The following EYS variants were observed in gnomAD, a reference collection of about 807,000 sequenced individuals.
EYS encodes the protein EGF-like photoreceptor maintenance factor.
A neutral mutation model predicts 282.1 loss-of-function variants in EYS; 250 were observed. That is an observed-to-expected ratio of 0.89 (90% confidence interval 0.80 to 0.98). The LOEUF (loss-of-function observed/expected upper bound fraction) is 0.98. EYS is among the 50% of genes least tolerant of loss of function. EYS has a pLI of 0.00. For missense variants in EYS, 4,016 were observed against 3,709.0 expected, an observed-to-expected ratio of 1.08 and a Z score of -2.15; for synonymous variants, 1,355 against 1,282.9, an observed-to-expected ratio of 1.06 and a Z score of -1.20.
chr6:64,899,067 G>A (rs976198478), intron 18 of EYS, among the ~76,000 whole-genome samples: 3 of 152,106 alleles, frequency 2.0e-5, no homozygotes, highest in South Asian at 2.1e-4. Flanking sequence ...AAATTAACAA[G>A]GACATTCAGG....
At chr6:64,933,910 C>T (rs1562264925) in intron 15 of EYS, among the ~76,000 whole-genome samples, 1 of 152,014 alleles carries the variant, frequency 6.6e-6, no homozygotes, top group Non-Finnish European at 1.5e-5. Context: ...CATGTTCTCA[C>T]TCGTAAGTGG....
chr6:65,439,831 T>G (rs1183431946), intron 5 of EYS, among the ~76,000 whole-genome samples: 3 of 152,068 alleles, frequency 2.0e-5, no homozygotes, highest in Non-Finnish European at 4.4e-5. Context: ...TCAACAAACA[T>G]TCATAGACAT....
chr6:64,488,363 T>TTC (rs1435433904), intron 26 of EYS, among the ~76,000 whole-genome samples: 1 of 150,982 alleles, frequency 6.6e-6, no homozygotes, highest in Non-Finnish European at 1.5e-5. Flanking sequence ...CACTGGCAGA[T>TTC]TCTCTCCTTT....
At chr6:65,295,812 A>T in intron 12 of EYS, 51 bp downstream of exon 12, 1 of 1,367,068 alleles carries the variant, frequency 7.3e-7, no homozygotes, top group Non-Finnish European at 1.0e-6. Flanking sequence ...TAAATATATT[A>T]ACAACATTAT....
intron 2 of EYS, among the ~76,000 whole-genome samples, chr6:65,543,412 A>G (rs1171132192): frequency 2.0e-5 from 3 of 148,106 alleles, no homozygotes; most frequent in Non-Finnish European, 4.5e-5. Context: ...TATAATATAT[A>G]AATGTATATT....
At chr6:64,415,384 T>C (rs1774027815) in intron 28 of EYS, among the ~76,000 whole-genome samples, 1 of 152,182 alleles carries the variant, frequency 6.6e-6, no homozygotes, top group Admixed American at 6.5e-5. Flanking sequence ...TAAAAAACAA[T>C]AAATGTTTTA....
intron 39 of EYS, among the ~76,000 whole-genome samples, chr6:63,782,720 T>A (rs1323357542): frequency 6.6e-6 from 1 of 152,184 alleles, no homozygotes; most frequent in Non-Finnish European, 1.5e-5. Flanking sequence ...TTCATTGATT[T>A]TTTGAAGGGG....
chr6:64,801,204 T>C (rs1217650984), intron 22 of EYS, among the ~76,000 whole-genome samples: 2 of 152,122 alleles, frequency 1.3e-5, no homozygotes, highest in Non-Finnish European at 2.9e-5. Flanking sequence ...GTAGCACATG[T>C]AAATTTGTAA....
chr6:64,979,881 T>C (rs1013850739), intron 14 of EYS, among the ~76,000 whole-genome samples: 1 of 151,502 alleles, frequency 6.6e-6, no homozygotes, highest in Non-Finnish European at 1.5e-5. Flanking sequence ...ACTAAGTTAT[T>C]GTGAGTTGGA....
At position 65,357,793 on chromosome 6, in the gene EYS, G is replaced by A. The variant is rs188645376; in HGVS notation, c.1300-4176C>T. ...AAGTTCAAAAATGCTGCCAATAAAA[G>A]AAAAGTAATTATTTCAAATTCACAG... On this transcript the variant is annotated intron_variant, in intron 8 of 42. Transcript: ENST00000503581. Among the ~76,000 whole-genome samples the A allele has an allele frequency of 7.4e-3, 1,120 of 152,040 alleles. 6 individuals carry two copies. The highest frequency in any genetic ancestry group is 0.02 in the Middle Eastern group (6 of 294).
At chr6:65,455,350 C>T (rs1392204665) in intron 5 of EYS, among the ~76,000 whole-genome samples, 1 of 152,052 alleles carries the variant, frequency 6.6e-6, no homozygotes, top group Non-Finnish European at 1.5e-5. Context: ...GATGATTTTA[C>T]ATCCTGAAAC....
At chr6:63,951,925 A>C (rs1765612977) in intron 35 of EYS, among the ~76,000 whole-genome samples, 1 of 152,130 alleles carries the variant, frequency 6.6e-6, no homozygotes, top group Non-Finnish European at 1.5e-5. Flanking sequence ...TTTTATTCTC[A>C]ATATGCATTT....
At chr6:64,290,319 A>G (rs537970214) in intron 30 of EYS, among the ~76,000 whole-genome samples, 1 of 152,228 alleles carries the variant, frequency 6.6e-6, no homozygotes, top group African/African-American at 2.4e-5. Flanking sequence ...ACAGCATAGC[A>G]GGAGTTAAAA....
rs184693397 is a variant in EYS, at chr6:65,117,921, A to G, written c.2024-60194T>C. Among the ~76,000 whole-genome samples the G allele has an allele frequency of 2.0e-5, 3 of 152,308 alleles. No individual in the cohort carries two copies. In the East Asian group the frequency reaches 5.8e-4, roughly 29 times the overall value. On this transcript the variant is annotated intron_variant, in intron 12 of 42. Transcript: ENST00000503581. ...GCTGTGGAATGTGGTGAATTATTAC[A>G]TCTAGAGGCAGAAGGAGGCAAAACA... is the stretch of plus-strand genomic sequence containing the variant.
At chr6:64,125,646 C>T (rs6909163) in intron 31 of EYS, among the ~76,000 whole-genome samples, 1 of 151,536 alleles carries the variant, frequency 6.6e-6, no homozygotes, top group Non-Finnish European at 1.5e-5. Flanking sequence ...ATTAGCCGGG[C>T]GTGGTGGTGG....
chr6:65,313,132 G>A (rs1317711242), intron 11 of EYS, among the ~76,000 whole-genome samples: 9 of 152,066 alleles, frequency 5.9e-5, no homozygotes, highest in Admixed American at 3.9e-4. Context: ...CCTATTCCCT[G>A]GGGGATATTT....
chr6:64,704,534 T>A (rs1283440810), intron 22 of EYS, among the ~76,000 whole-genome samples: 1 of 85,024 alleles, frequency 1.2e-5, no homozygotes, highest in Admixed American at 1.3e-4. Flanking sequence ...ATACTTATAA[T>A]AATATTATAA....
intron 22 of EYS, among the ~76,000 whole-genome samples, chr6:64,628,894 T>C (rs751405360): frequency 1.3e-5 from 2 of 152,250 alleles, no homozygotes; most frequent in Non-Finnish European, 2.9e-5. Flanking sequence ...ATAGACTATG[T>C]ATCCAGTTTC....
intron 35 of EYS, among the ~76,000 whole-genome samples, chr6:63,911,026 G>A (rs899444193): frequency 6.6e-5 from 10 of 151,476 alleles, no homozygotes; most frequent in African/African-American, 2.4e-4. Context: ...ATCAGTGAGA[G>A]AGAAACAAAC....
Sources: allele counts gnomAD v4.1 joint callset (sites outside exome capture counted in the v4.1 genomes callset), GRCh38; gene constraint gnomAD v4.1.1; transcripts MANE v1.5; gene names NCBI Gene and HGNC (gene_info 2026-07-23, HGNC 2026-07-21).